UVRAG: variants seen among roughly 807,000 people sequenced by gnomAD.
UVRAG encodes the protein UV radiation resistance associated.
Under a neutral mutation model 78.0 loss-of-function variants are expected in UVRAG, and 19 were observed. The observed-to-expected ratio is 0.24, with a 90% CI of 0.17 to 0.36. The LOEUF (loss-of-function observed/expected upper bound fraction) is 0.36. Among genes scored for constraint, UVRAG ranks in the 10% least tolerant of loss-of-function variants. The pLI is 1.00. For synonymous variants in UVRAG, 323 were observed against 324.6 expected, an observed-to-expected ratio of 1.00 and a Z score of 0.05; for missense variants, 740 against 853.8, an observed-to-expected ratio of 0.87 and a Z score of 1.66.
At chr11:75,919,375 C>G (rs1947926473) in intron 6 of UVRAG, among the ~76,000 whole-genome samples, 1 of 152,120 alleles carries the variant, frequency 6.6e-6, no homozygotes, top group Non-Finnish European at 1.5e-5. Context: ...AGGCTCTTAC[C>G]CAGTTTCTGT....
intron 5 of UVRAG, among the ~76,000 whole-genome samples, chr11:75,908,801 T>C (rs1947675270): frequency 6.6e-6 from 1 of 150,956 alleles, no homozygotes; most frequent in South Asian, 2.1e-4. Context: ...CTGTTCAGAT[T>C]TTCTGTTTCT....
intron 11 of UVRAG, among the ~76,000 whole-genome samples, chr11:76,015,434 G>GT (rs1950128398): frequency 6.6e-6 from 1 of 152,124 alleles, no homozygotes; most frequent in Non-Finnish European, 1.5e-5. Context: ...AAGCCAACCT[G>GT]TTTACTAGCT....
At chr11:76,028,884 C>G (rs1286343878) in intron 12 of UVRAG, among the ~76,000 whole-genome samples, 1 of 152,118 alleles carries the variant, frequency 6.6e-6, no homozygotes, top group Non-Finnish European at 1.5e-5. Context: ...ATGCAGGTGG[C>G]TACACTAAAC....
At chr11:75,951,100 A>G (rs564780169) in intron 6 of UVRAG, among the ~76,000 whole-genome samples, 12 of 151,842 alleles carry the variant, frequency 7.9e-5, no homozygotes, top group African/African-American at 1.2e-4. Flanking sequence ...GAGTTTTTGC[A>G]TATATTTTCC....
intron 6 of UVRAG, among the ~76,000 whole-genome samples, chr11:75,914,838 C>T (rs1947816449): frequency 6.6e-6 from 1 of 151,088 alleles, no homozygotes; most frequent in African/African-American, 2.5e-5. Flanking sequence ...TTAATTTTCA[C>T]TGTACTGTTG....
chr11:76,066,054 A>G (rs1021611337), intron 13 of UVRAG, among the ~76,000 whole-genome samples: 1 of 152,156 alleles, frequency 6.6e-6, no homozygotes, highest in African/African-American at 2.4e-5. Flanking sequence ...CTGGTAGACT[A>G]TACTTCGATG....
intron 3 of UVRAG, among the ~76,000 whole-genome samples, chr11:75,879,339 C>T (rs1946887952): frequency 6.6e-6 from 1 of 152,210 alleles, no homozygotes; most frequent in Non-Finnish European, 1.5e-5. Context: ...TTGTGTTCCT[C>T]TTTGCCTGAA....
At chr11:75,983,730 A>G in intron 8 of UVRAG, 1 of 518,030 alleles carries the variant, frequency 1.9e-6, no homozygotes, top group Non-Finnish European at 3.1e-6. Flanking sequence ...AACTACTACT[A>G]CACACCTAGG....
Position 75,868,846 on chromosome 11 carries a change from G to C in UVRAG, c.270+7066G>C, listed in dbSNP as rs370444220. On this transcript the variant is annotated intron_variant, in intron 3 of 14. Transcript: ENST00000356136. ...TCATTGGTTATTTTCCCAAAAACAAGTTTTAAACTTTTATTAGAATATTAA... is the reference window on the plus strand; with the variant it reads ...TCATTGGTTATTTTCCCAAAAACAACTTTTAAACTTTTATTAGAATATTAA... Among the ~76,000 whole-genome samples the C allele has an allele frequency of 1.2e-3, 183 of 152,262 alleles. 1 individual carries two copies. Among genetic ancestry groups the C allele is most frequent in the African/African-American group, 4.2e-3 (173 of 41,542 alleles).
chr11:75,827,766 C>T (rs1005230598), intron 1 of UVRAG, among the ~76,000 whole-genome samples: 1 of 152,228 alleles, frequency 6.6e-6, no homozygotes, highest in Non-Finnish European at 1.5e-5. Flanking sequence ...AGCCTACTTA[C>T]ATCTTTCAGG....
intron 14 of UVRAG, among the ~76,000 whole-genome samples, chr11:76,126,388 T>C (rs1233781606): frequency 6.6e-6 from 1 of 152,206 alleles, no homozygotes; most frequent in Non-Finnish European, 1.5e-5. Flanking sequence ...AATAAATATT[T>C]TACATTCTCT....
In UVRAG at chr11:75,994,790, G is replaced by A. The variant is rs77326454; in HGVS notation, c.827-9215G>A. ...TTACTGCTTTCTCTAGTATGTGTCC[G>A]GGTCAACTCACAGTTTGCTGTTTTT... is the stretch of plus-strand genomic sequence containing the variant. On this transcript the variant is annotated intron_variant, in intron 8 of 14. Coordinates refer to ENST00000356136, the MANE Select transcript of UVRAG (RefSeq NM_003369.4). Among the ~76,000 whole-genome samples the A allele has an allele frequency of 8.6e-3, 1,316 of 152,224 alleles. 25 individuals are homozygous for A. The highest frequency in any genetic ancestry group is 0.03 in the African/African-American group (1,253 of 41,534).
chr11:75,984,553 G>A (rs1021112951), intron 8 of UVRAG, among the ~76,000 whole-genome samples: 4 of 152,168 alleles, frequency 2.6e-5, no homozygotes, highest in African/African-American at 9.7e-5. Flanking sequence ...TTATGGAGAA[G>A]TTGTGTCCAC....
intron 6 of UVRAG, among the ~76,000 whole-genome samples, chr11:75,912,399 A>G (rs770127120): frequency 6.6e-5 from 10 of 152,216 alleles, no homozygotes; most frequent in African/African-American, 9.6e-5. Context: ...AAGCCCTTCA[A>G]CGGCCCCAAA....
At chr11:75,991,336 CT>C (rs1949602595) in intron 8 of UVRAG, among the ~76,000 whole-genome samples, 2 of 152,146 alleles carry the variant, frequency 1.3e-5, no homozygotes, top group Non-Finnish European at 2.9e-5. Context: ...TTCTGCATAT[CT>C]TACCTTTTTT....
At chr11:75,830,962 A>G (rs1945642138) in intron 1 of UVRAG, among the ~76,000 whole-genome samples, 1 of 152,166 alleles carries the variant, frequency 6.6e-6, no homozygotes, top group South Asian at 2.1e-4. Context: ...TAGGCAACCT[A>G]GAAGTTATTT....
chr11:75,959,098 C>A (rs572830686), intron 6 of UVRAG, among the ~76,000 whole-genome samples: 1 of 152,268 alleles, frequency 6.6e-6, no homozygotes, highest in East Asian at 1.9e-4. Context: ...GTAGATTTAG[C>A]ATAATTCTTA....
chr11:76,116,132 T>C (rs1591255516), intron 14 of UVRAG, 117 bp downstream of exon 14: 4 of 979,212 alleles, frequency 4.1e-6, no homozygotes, highest in East Asian at 5.3e-5. Flanking sequence ...TAATGAGATA[T>C]GGGAGGAAAA....
chr11:75,943,198 T>C (rs1199592000), intron 6 of UVRAG, among the ~76,000 whole-genome samples: 1 of 152,130 alleles, frequency 6.6e-6, no homozygotes, highest in Non-Finnish European at 1.5e-5. Context: ...CCCACTTTGG[T>C]AGCGTTTTTA....
Sources: gnomAD v4.1 joint callset for allele counts (sites outside exome capture counted in the v4.1 genomes callset) on GRCh38, gnomAD v4.1.1 for gene constraint, MANE v1.5 for transcripts, NCBI Gene and HGNC (gene_info 2026-07-23, HGNC 2026-07-21) for gene names.